The following MAP2K5 variants were observed in gnomAD, a reference collection of about 807,000 sequenced individuals.
MAP2K5 encodes mitogen-activated protein kinase kinase 5, also known as dual specificity mitogen-activated protein kinase kinase 5.
A neutral mutation model predicts 83.1 loss-of-function variants in MAP2K5; 49 were observed. The ratio of observed to expected loss-of-function variants is 0.59; its 90% CI spans 0.47 to 0.75. The LOEUF (loss-of-function observed/expected upper bound fraction) is 0.75. Ranked by LOEUF, MAP2K5 falls within the 30% of genes least tolerant of loss-of-function variation. The pLI, the probability that MAP2K5 is intolerant of heterozygous loss-of-function variation, is 0.00. For missense variants in MAP2K5, 457 were observed against 557.5 expected (o/e 0.82, Z 1.82); for synonymous variants, 202 against 191.8 (o/e 1.05, Z -0.44).
At position 67,543,438 on chromosome 15, in the gene MAP2K5, T is replaced by C. The variant is rs2084335521; in HGVS notation, c.103T>C (p.Ser35Pro). Residue 35 changes from serine to proline, a missense_variant, in exon 1 of 22, where the codon TCC (serine) becomes CCC (proline). By Grantham distance (74) the Ser-to-Pro change is moderately conservative. Coordinates refer to ENST00000178640, the MANE Select transcript of MAP2K5 (RefSeq NM_145160.3). The surrounding 1 kb of genome is among the most constrained non-coding windows in gnomAD (Gnocchi z 4.3). Reference protein sequence around the residue: ...NSGAVDWTVHSGPQLLFRDVL... With the variant: ...NSGAVDWTVHPGPQLLFRDVL... ...TGGCGCGGTGGACTGGACAGTGCAC[T>C]CCGGGCCGCAGTTACTCTTCAGGGA... is the stretch of plus-strand genomic sequence containing the variant. 1.2e-6 allele frequency: 2 copies of C among 1,614,082 alleles called. No individual in the cohort carries two copies. The highest frequency in any genetic ancestry group is 1.7e-6 in the Non-Finnish European group (2 of 1,180,004).
chr15:67,655,382 T>C (rs2087045553), intron 11 of MAP2K5, among the ~76,000 whole-genome samples: 1 of 152,230 alleles, frequency 6.6e-6, no homozygotes, highest in African/African-American at 2.4e-5. Context: ...TTATTTCTTG[T>C]AGGGTAGGTT....
chr15:67,614,632 C>G (rs1368274435), intron 8 of MAP2K5, among the ~76,000 whole-genome samples: 1 of 152,140 alleles, frequency 6.6e-6, no homozygotes, highest in East Asian at 1.9e-4. Flanking sequence ...TCCTTGATCT[C>G]AGAGGTATTT....
At chr15:67,579,964 G>A (rs755121537) in intron 3 of MAP2K5, among the ~76,000 whole-genome samples, 1 of 152,126 alleles carries the variant, frequency 6.6e-6, no homozygotes. Flanking sequence ...TCCACTAGGA[G>A]CATCACTTTG....
rs4776966 is a variant in MAP2K5 at position 67,738,079 on chromosome 15, C to G, written c.1074+10134C>G. Among the ~76,000 whole-genome samples, 40 of 152,146 alleles carry G rather than the reference C, an allele frequency of 2.6e-4. No homozygotes were observed. The highest frequency in any genetic ancestry group is 7.5e-4 in the African/African-American group (31 of 41,482). The stretch of plus-strand genomic sequence containing the variant: ...GTTGGCCAGGCTGGTCTCGAACTCC[C>G]GACCTCAGGTGACCTGCCTGCCTCA... On this transcript the variant is annotated intron_variant, in intron 17 of 21. Coordinates refer to ENST00000178640, the MANE Select transcript of MAP2K5 (RefSeq NM_145160.3). This position sits in a 1 kb window ranked among gnomAD's most constrained non-coding sequence, Gnocchi z 4.1.
At chr15:67,687,715 T>C (rs2087991754) in intron 13 of MAP2K5, among the ~76,000 whole-genome samples, 1 of 152,218 alleles carries the variant, frequency 6.6e-6, no homozygotes, top group Admixed American at 6.5e-5. Flanking sequence ...TCAGGCCAAA[T>C]TCATGCTCTT....
rs2084523109 is a variant in MAP2K5, at chr15:67,552,117, TG to T, written c.184+2036del. 6.6e-6 allele frequency among the ~76,000 whole-genome samples: 1 copy of T among 152,202 alleles called. No individual in the cohort carries two copies. Among genetic ancestry groups the T allele is most frequent in the Non-Finnish European group, 1.5e-5 (1 of 68,038 alleles). ...GGATGAATGATCACACTTTTTACTT[TG>T]TATGTTTCTCTATTGTTTGAACATT... On this transcript the variant is annotated intron_variant, in intron 2 of 21. Coordinates refer to ENST00000178640, the MANE Select transcript of MAP2K5 (RefSeq NM_145160.3). This position sits in a 1 kb window ranked among gnomAD's most constrained non-coding sequence, Gnocchi z 4.2.
At chr15:67,592,117 T>TAAAA (rs2085426837) in intron 6 of MAP2K5, among the ~76,000 whole-genome samples, 1 of 4,518 alleles carries the variant, frequency 2.2e-4, no homozygotes, top group Non-Finnish European at 7.0e-4. Context: ...AAACTATGTC[T>TAAAA]CAAAAAAAAA....
chr15:67,692,621 CT>C, intron 14 of MAP2K5, 69 bp downstream of exon 14: 2 of 1,258,272 alleles, frequency 1.6e-6, no homozygotes, highest in Non-Finnish European at 2.3e-6. Flanking sequence ...ATTCTGTTCT[CT>C]GGATTGAAAA....
At chr15:67,621,749 T>A (rs982606754) in intron 8 of MAP2K5, among the ~76,000 whole-genome samples, 1 of 152,174 alleles carries the variant, frequency 6.6e-6, no homozygotes, top group African/African-American at 2.4e-5. Context: ...TTGTAAAATG[T>A]GCCTGATGTA....
chr15:67,731,542 T>C (rs549403503), intron 17 of MAP2K5, among the ~76,000 whole-genome samples: 25 of 152,314 alleles, frequency 1.6e-4, no homozygotes, highest in African/African-American at 5.8e-4. Flanking sequence ...ACAGTCTTAT[T>C]ACTACTGCCT....
At chr15:67,744,039 C>A (rs934600521) in intron 17 of MAP2K5, among the ~76,000 whole-genome samples, 2 of 152,184 alleles carry the variant, frequency 1.3e-5, no homozygotes, top group Non-Finnish European at 2.9e-5. Flanking sequence ...GAGCGCTGCT[C>A]CCCTCTGAGC....
chr15:67,716,259 T>G (rs1302743044), intron 16 of MAP2K5, among the ~76,000 whole-genome samples: 2 of 152,284 alleles, frequency 1.3e-5, no homozygotes, highest in East Asian at 3.9e-4. Flanking sequence ...GAGGATCCCT[T>G]GAGCCCAGGA....
chr15:67,767,956 CCTT>C (rs1309506669), intron 19 of MAP2K5, among the ~76,000 whole-genome samples: 14 of 152,076 alleles, frequency 9.2e-5, no homozygotes, highest in Admixed American at 7.9e-4. Context: ...GCTAACCATC[CCTT>C]CTTCTGGATG....
rs966851216 is a variant in MAP2K5 at position 67,658,566 on chromosome 15, T to A, written c.750T>A (p.Asp250Glu). 6.2e-7 allele frequency: 1 copy of A among 1,612,030 alleles called. No homozygotes were observed. Among genetic ancestry groups the A allele is most frequent in the Non-Finnish European group, 8.5e-7 (1 of 1,178,448 alleles). Residue 250 changes from aspartate to glutamate, a missense_variant, in exon 12 of 22, where the codon GAT becomes GAA. Physicochemically the swap from Asp to Glu is conservative, Grantham distance 45. Transcript: ENST00000178640. ...CTEFMDGGSL[D>E]VYRKMPEHVL... ...TTATCTCTACAGGGGGATCTTTGGA[T>A]GTATATAGGAAAATGCCAGAACATG...
Position 67,762,559 on chromosome 15 carries a change from G to T in MAP2K5, c.1135-7043G>T, listed in dbSNP as rs539160630. Among the ~76,000 whole-genome samples the T allele has an allele frequency of 4.4e-5, 4 of 90,548 alleles. No homozygotes were observed. In the East Asian group the frequency reaches 1.1e-3, roughly 25 times the overall value. The allele number at this position is 90,548 out of a possible 152,430, so 59.4% of individuals were successfully genotyped here. On this transcript the variant is annotated intron_variant, in intron 19 of 21. Coordinates refer to ENST00000178640, the MANE Select transcript of MAP2K5 (RefSeq NM_145160.3). Reference sequence around the variant, plus strand: ...CTAAGTAAATATAAGTCTTTTAAATGACAGACAAAAAAAAAAAAAAAAACA... The same window carrying T: ...CTAAGTAAATATAAGTCTTTTAAATTACAGACAAAAAAAAAAAAAAAAACA...
intron 8 of MAP2K5, 29 bp downstream of exon 8, chr15:67,600,778 T>C: frequency 6.4e-7 from 1 of 1,555,506 alleles, no homozygotes; most frequent in Non-Finnish European, 8.7e-7. Flanking sequence ...TTAAACTTTC[T>C]ATCCGCTTTT....
intron 8 of MAP2K5, among the ~76,000 whole-genome samples, chr15:67,626,388 G>A (rs553671813): frequency 6.3e-4 from 96 of 152,098 alleles, no homozygotes; most frequent in Middle Eastern, 3.4e-3. Flanking sequence ...TTAGCCAGGT[G>A]TGGTGGTGGG....
rs944228109 is a variant in MAP2K5, at chr15:67,724,695, A to G, written c.1045-3221A>G. 6.6e-6 allele frequency among the ~76,000 whole-genome samples: 1 copy of G among 152,210 alleles called. No individual in the cohort carries two copies. The highest frequency in any genetic ancestry group is 2.4e-5 in the African/African-American group (1 of 41,448). On this transcript the variant is annotated intron_variant, in intron 16 of 21. Coordinates refer to ENST00000178640, the MANE Select transcript of MAP2K5 (RefSeq NM_145160.3). This position sits in a 1 kb window ranked among gnomAD's most constrained non-coding sequence, Gnocchi z 4.4. ...ATGTTTCCTTCTACTTTTCTATAAG[A>G]CAAATAGTGTGGAACATAAACACTG...
Position 67,543,246 on chromosome 15 carries a change from G to T in MAP2K5, c.-90G>T. ...TGTTTTCACCCTCTGTCCTCTGCCC[G>T]TCACTCCCCTTGTCACCTCTTGGAG... is the stretch of plus-strand genomic sequence containing the variant. On this transcript the variant is annotated 5_prime_UTR_variant, in exon 1 of 22. Coordinates refer to ENST00000178640, the MANE Select transcript of MAP2K5 (RefSeq NM_145160.3). This position sits in a 1 kb window ranked among gnomAD's most constrained non-coding sequence, Gnocchi z 4.3. 1 of 1,347,316 alleles carries T rather than the reference G, an allele frequency of 7.4e-7. No individual in the cohort carries two copies. 83.5% of individuals were successfully genotyped at this position (1,347,316 alleles called of 1,614,324 possible). A position where few individuals can be genotyped will look rare whatever the true frequency, so the allele number is the denominator to read the frequency against.
Sources: allele counts gnomAD v4.1 joint callset (sites outside exome capture counted in the v4.1 genomes callset), GRCh38; gene constraint gnomAD v4.1.1; non-coding constraint Gnocchi (gnomAD v3.1); transcripts MANE v1.5; gene names NCBI Gene and HGNC (gene_info 2026-07-23, HGNC 2026-07-21).